Variants in NRG1 observed in about 807,000 individuals in gnomAD.
NRG1 encodes neuregulin 1.
Under a neutral mutation model 63.8 loss-of-function variants are expected in NRG1, and 18 were observed. The observed-to-expected ratio is 0.28, with a 90% CI of 0.19 to 0.42. The LOEUF (loss-of-function observed/expected upper bound fraction) is 0.42, where lower values mean the gene tolerates loss of function less well. Ranked by LOEUF, NRG1 falls within the 10% of genes least tolerant of loss-of-function variation. The pLI is 1.00. For missense variants in NRG1, 762 were observed against 814.7 expected, an observed-to-expected ratio of 0.94 and a Z score of 0.79; for synonymous variants, 302 against 301.3, an observed-to-expected ratio of 1.00 and a Z score of -0.02.
At chr8:32,772,078 TATATATATATAA>T (rs1417048482), downstream of NRG1, among the ~76,000 whole-genome samples, 3 of 112,474 alleles carry the variant, frequency 2.7e-5, no homozygotes, top group African/African-American at 1.0e-4. Flanking sequence ...TATATATATA[TATATATATATAA>T]AATCCCACCA....
chr8:32,308,103 T>C (rs1462104654), intron 1 of NRG1, among the ~76,000 whole-genome samples: 1 of 152,180 alleles, frequency 6.6e-6, no homozygotes, highest in African/African-American at 2.4e-5. Context: ...GTCTCTGTTT[T>C]TTTGCTTTTA....
At chr8:31,982,002 A>G (rs1300897909) in intron 1 of NRG1, among the ~76,000 whole-genome samples, 4 of 151,914 alleles carry the variant, frequency 2.6e-5, no homozygotes, top group Admixed American at 6.6e-5. Context: ...AACAACATGT[A>G]TAAATATATA....
intron 1 of NRG1, among the ~76,000 whole-genome samples, chr8:32,399,457 G>A (rs1230669455): frequency 1.3e-5 from 2 of 152,202 alleles, no homozygotes; most frequent in Admixed American, 6.5e-5. Flanking sequence ...ACTTTGGGAG[G>A]CCAAGGCGGG....
At chr8:31,880,911 G>A (rs1292042412) in intron 1 of NRG1, among the ~76,000 whole-genome samples, 3 of 152,106 alleles carry the variant, frequency 2.0e-5, no homozygotes, top group African/African-American at 4.8e-5. Context: ...CAATGGACTG[G>A]AGTATATGCA....
chr8:31,787,292 A>G (rs1271795140), intron 1 of NRG1, among the ~76,000 whole-genome samples: 1 of 152,246 alleles, frequency 6.6e-6, no homozygotes, highest in Non-Finnish European at 1.5e-5. Flanking sequence ...TTAAAGATGC[A>G]TTTCATCACT....
chr8:32,317,405 C>T (rs1474986960), intron 1 of NRG1, among the ~76,000 whole-genome samples: 1 of 152,130 alleles, frequency 6.6e-6, no homozygotes, highest in Non-Finnish European at 1.5e-5. Flanking sequence ...CTTTTGGGAT[C>T]ACAATCAGAA....
chr8:32,674,437 T>C (rs1023399700), intron 5 of NRG1, among the ~76,000 whole-genome samples: 66 of 152,284 alleles, frequency 4.3e-4, no homozygotes, highest in African/African-American at 1.6e-3. Flanking sequence ...AGGATCTGAA[T>C]AGGCAAAGAG....
chr8:32,483,343 G>A (rs1459247231), intron 1 of NRG1, among the ~76,000 whole-genome samples: 1 of 152,174 alleles, frequency 6.6e-6, no homozygotes, highest in African/African-American at 2.4e-5. Flanking sequence ...CACTTGCCTT[G>A]TCTCTGAAGA....
intron 1 of NRG1, among the ~76,000 whole-genome samples, chr8:31,838,941 T>C (rs1156248944): frequency 6.6e-6 from 1 of 152,136 alleles, no homozygotes; most frequent in East Asian, 1.9e-4. Flanking sequence ...TAAACTAGAG[T>C]AGAAATTTTT....
chr8:32,248,632 A>T (rs1251539415), intron 1 of NRG1, among the ~76,000 whole-genome samples: 1 of 152,088 alleles, frequency 6.6e-6, no homozygotes, highest in East Asian at 1.9e-4. Flanking sequence ...CTTCAGGCTG[A>T]CATGCTCCAA....
At chr8:32,008,713 T>C (rs1814219675) in intron 1 of NRG1, among the ~76,000 whole-genome samples, 1 of 152,042 alleles carries the variant, frequency 6.6e-6, no homozygotes. Flanking sequence ...TAATTATCCT[T>C]AGGATAAATT....
chr8:32,573,745 G>C (rs1170284137), intron 1 of NRG1, among the ~76,000 whole-genome samples: 1 of 151,920 alleles, frequency 6.6e-6, no homozygotes, highest in Non-Finnish European at 1.5e-5. Flanking sequence ...TTGGTGTGCT[G>C]CACCCATTAA....
intron 5 of NRG1, among the ~76,000 whole-genome samples, chr8:32,714,252 G>A (rs1818601864): frequency 6.6e-6 from 1 of 152,144 alleles, no homozygotes; most frequent in Non-Finnish European, 1.5e-5. Flanking sequence ...ATGGTGTTAT[G>A]TTCTTGAAAA....
chr8:32,431,022 C>G (rs1818077382), intron 1 of NRG1, among the ~76,000 whole-genome samples: 1 of 152,082 alleles, frequency 6.6e-6, no homozygotes, highest in African/African-American at 2.4e-5. Flanking sequence ...AGCCTGTTAC[C>G]TCATTTAATT....
intron 1 of NRG1, among the ~76,000 whole-genome samples, chr8:32,394,072 C>G (rs1469105565): frequency 6.6e-6 from 1 of 152,140 alleles, no homozygotes; most frequent in African/African-American, 2.4e-5. Context: ...TTCCTCCACT[C>G]TTTTGGCTCT....
At chr8:31,830,302 TTTCC>T (rs375861946) in intron 1 of NRG1, among the ~76,000 whole-genome samples, 3,427 of 122,586 alleles carry the variant, frequency 0.028, 88 homozygotes, top group Non-Finnish European at 0.036. Flanking sequence ...GCTCTTCTTT[TTTCC>T]TTCCTTCCTT....
intron 5 of NRG1, among the ~76,000 whole-genome samples, chr8:32,640,072 G>T (rs1341764703): frequency 6.6e-6 from 1 of 152,116 alleles, no homozygotes; most frequent in African/African-American, 2.4e-5. Context: ...GCTGCTCTAT[G>T]CCCTGAACGT....
chr8:32,460,601 A>G (rs1413460831), intron 1 of NRG1, among the ~76,000 whole-genome samples: 1 of 152,186 alleles, frequency 6.6e-6, no homozygotes, highest in Non-Finnish European at 1.5e-5. Context: ...AGATCCATTT[A>G]TAAACTCAGT....
At chr8:31,804,905 C>A (rs1209388388) in intron 1 of NRG1, among the ~76,000 whole-genome samples, 1 of 152,200 alleles carries the variant, frequency 6.6e-6, no homozygotes, top group Non-Finnish European at 1.5e-5. Context: ...CCCATCCCAT[C>A]ATGCATTTGT....
Sources: allele counts gnomAD v4.1 joint callset (sites outside exome capture counted in the v4.1 genomes callset), GRCh38; gene constraint gnomAD v4.1.1; transcripts MANE v1.5; gene names NCBI Gene and HGNC (gene_info 2026-07-23, HGNC 2026-07-21).